Variants in AKT3 observed in about 807,000 individuals in gnomAD.
AKT3 encodes AKT serine/threonine kinase 3, also known as RAC-gamma serine/threonine-protein kinase.
In AKT3, 15 loss-of-function variants were observed where a neutral mutation model predicts 65.3. The ratio of observed to expected loss-of-function variants is 0.23; its 90% CI spans 0.15 to 0.35. The LOEUF is 0.35. AKT3 is among the 10% of genes least tolerant of loss of function. The probability of loss-of-function intolerance (pLI) is 1.00; values close to 1 mark genes in which losing one functional copy is unlikely to be tolerated. For synonymous variants in AKT3, 206 were observed against 183.8 expected, an observed-to-expected ratio of 1.12 and a Z score of -0.98; for missense variants, 243 against 576.5, an observed-to-expected ratio of 0.42 and a Z score of 5.92.
chr1:243,698,236 AAG>A (rs1685184104), intron 2 of AKT3, among the ~76,000 whole-genome samples: 6 of 152,134 alleles, frequency 3.9e-5, no homozygotes, highest in Admixed American at 3.3e-4. Flanking sequence ...GTACAGCAAT[AAG>A]AGATTTATAC....
At chr1:243,526,336 A>AAC (rs1369369835) in intron 12 of AKT3, among the ~76,000 whole-genome samples, 1 of 152,104 alleles carries the variant, frequency 6.6e-6, no homozygotes, top group African/African-American at 2.4e-5. Flanking sequence ...CATGGAGCTA[A>AAC]ACACACACTC....
At chr1:243,598,408 T>C (rs1447260869) in intron 8 of AKT3, among the ~76,000 whole-genome samples, 1 of 152,226 alleles carries the variant, frequency 6.6e-6, no homozygotes, top group Admixed American at 6.5e-5. Context: ...TTTTTTATTG[T>C]TAAGCTTAGC....
chr1:243,679,523 A>G (rs1558711959), intron 3 of AKT3, among the ~76,000 whole-genome samples: 1 of 152,132 alleles, frequency 6.6e-6, no homozygotes, highest in African/African-American at 2.4e-5. Context: ...AAAGTTCTGT[A>G]AGTGACAGAT....
chr1:243,805,171 CAG>C (rs1692646776), intron 2 of AKT3, among the ~76,000 whole-genome samples: 1 of 152,178 alleles, frequency 6.6e-6, no homozygotes, highest in African/African-American at 2.4e-5. Context: ...ACAACCATCA[CAG>C]AGAAATTCCC....
downstream of AKT3, among the ~76,000 whole-genome samples, chr1:243,497,640 CCT>C (rs1214014110): frequency 6.6e-6 from 1 of 152,156 alleles, no homozygotes; most frequent in African/African-American, 2.4e-5. Flanking sequence ...ATGAGAAATG[CCT>C]GTTTCCTGGA....
chr1:243,593,584 G>A (rs1374354223), intron 8 of AKT3, among the ~76,000 whole-genome samples: 1 of 152,122 alleles, frequency 6.6e-6, no homozygotes, highest in African/African-American at 2.4e-5. Context: ...CTGCTTGGGA[G>A]GCTGAGGCAG....
chr1:243,837,347 A>G (rs1045706133), intron 2 of AKT3, among the ~76,000 whole-genome samples: 1 of 152,196 alleles, frequency 6.6e-6, no homozygotes, highest in Non-Finnish European at 1.5e-5. Context: ...TCCCACAAAG[A>G]AAGCTCCAAC....
At chr1:243,652,503 T>C (rs1335085019) in intron 4 of AKT3, among the ~76,000 whole-genome samples, 1 of 151,874 alleles carries the variant, frequency 6.6e-6, no homozygotes, top group African/African-American at 2.4e-5. Context: ...CATGCTAAAT[T>C]GAAAAGACCA....
chr1:243,704,830 G>A (rs1302276592), intron 2 of AKT3, among the ~76,000 whole-genome samples: 1 of 152,050 alleles, frequency 6.6e-6, no homozygotes. Flanking sequence ...CTTTCTCACT[G>A]ATTTCTGCAT....
intron 2 of AKT3, among the ~76,000 whole-genome samples, chr1:243,776,997 G>A (rs1451308063): frequency 6.6e-6 from 1 of 152,188 alleles, no homozygotes; most frequent in Admixed American, 6.5e-5. Context: ...AATGTAATAA[G>A]TGTTACCCGA....
At chr1:243,537,261 C>T (rs1235389169) in intron 12 of AKT3, among the ~76,000 whole-genome samples, 1 of 152,052 alleles carries the variant, frequency 6.6e-6, no homozygotes, top group Non-Finnish European at 1.5e-5. Context: ...TCCCTCTCTC[C>T]TATCCATTTC....
intron 13 of AKT3, among the ~76,000 whole-genome samples, chr1:243,491,492 T>G (rs1259654767): frequency 6.6e-6 from 1 of 152,224 alleles, no homozygotes; most frequent in Non-Finnish European, 1.5e-5. Context: ...TGGCTTTCAG[T>G]TGCAAATACT....
chr1:243,727,410 G>A (rs187835236), intron 2 of AKT3, among the ~76,000 whole-genome samples: 39 of 152,108 alleles, frequency 2.6e-4, no homozygotes, highest in South Asian at 8.3e-4. Flanking sequence ...CTCCCAAGTA[G>A]CTGGGACTTC....
At chr1:243,535,524 C>G (rs1004369478) in intron 12 of AKT3, among the ~76,000 whole-genome samples, 16 of 152,292 alleles carry the variant, frequency 1.1e-4, no homozygotes, top group Admixed American at 6.5e-4. Flanking sequence ...GCCTTCAGTT[C>G]CATCTATATG....
At chr1:243,575,062 G>A (rs774116017) in intron 8 of AKT3, among the ~76,000 whole-genome samples, 33 of 152,132 alleles carry the variant, frequency 2.2e-4, no homozygotes, top group Non-Finnish European at 3.8e-4. Flanking sequence ...GCTATCTGAT[G>A]TGTACCCTTA....
intron 3 of AKT3, among the ~76,000 whole-genome samples, chr1:243,678,755 T>A (rs796606940): frequency 1.4e-4 from 22 of 152,336 alleles, no homozygotes; most frequent in African/African-American, 5.3e-4. Context: ...AATTCATGTC[T>A]CTTTTTGTAT....
intron 2 of AKT3, among the ~76,000 whole-genome samples, chr1:243,785,400 T>C (rs79670518): frequency 6.6e-6 from 1 of 152,060 alleles, no homozygotes; most frequent in Non-Finnish European, 1.5e-5. Flanking sequence ...TATAATATAA[T>C]TTTCTACACA....
intron 2 of AKT3, among the ~76,000 whole-genome samples, chr1:243,741,074 T>C (rs1227802518): frequency 2.0e-5 from 3 of 152,232 alleles, no homozygotes; most frequent in African/African-American, 7.2e-5. Context: ...ATATCATTAA[T>C]GTTAACTTCA....
chr1:243,640,039 T>C (rs1680256471), intron 5 of AKT3, among the ~76,000 whole-genome samples: 1 of 152,192 alleles, frequency 6.6e-6, no homozygotes, highest in Non-Finnish European at 1.5e-5. Flanking sequence ...CTTTCAACAT[T>C]TTTTGCTGCT....
Sources: allele counts gnomAD v4.1 joint callset (sites outside exome capture counted in the v4.1 genomes callset), GRCh38; gene constraint gnomAD v4.1.1; transcripts MANE v1.5; gene names NCBI Gene and HGNC (gene_info 2026-07-23, HGNC 2026-07-21).